The following PPME1 variants were observed in gnomAD, a reference collection of about 807,000 sequenced individuals.
PPME1 encodes the protein protein phosphatase methylesterase 1.
Under a neutral mutation model 56.9 loss-of-function variants are expected in PPME1, and 17 were observed. The observed-to-expected ratio is 0.30, with a 90% confidence interval of 0.20 to 0.45. The LOEUF is 0.45. PPME1 is among the 20% of genes least tolerant of loss of function. The pLI is 1.00. For synonymous variants in PPME1, 122 were observed against 156.2 expected, an observed-to-expected ratio of 0.78 and a Z score of 1.63; for missense variants, 357 against 483.2, an observed-to-expected ratio of 0.74 and a Z score of 2.45.
intron 8 of PPME1, among the ~76,000 whole-genome samples, chr11:74,236,699 C>T (rs558554074): frequency 6.6e-6 from 1 of 152,194 alleles, no homozygotes; most frequent in South Asian, 2.1e-4. Flanking sequence ...GGTTATTAAC[C>T]CATAACCATG....
intron 1 of PPME1, among the ~76,000 whole-genome samples, chr11:74,173,703 G>A (rs558637632): frequency 6.6e-6 from 1 of 152,008 alleles, no homozygotes; most frequent in African/African-American, 2.4e-5. Flanking sequence ...CACCACGCCC[G>A]GCTAATTTTT....
At chr11:74,241,966 C>T (rs1164913189) in intron 9 of PPME1, among the ~76,000 whole-genome samples, 5 of 152,134 alleles carry the variant, frequency 3.3e-5, no homozygotes, top group South Asian at 2.1e-4. Context: ...GAAGTATAGA[C>T]GTTTTTAATT....
intron 9 of PPME1, among the ~76,000 whole-genome samples, chr11:74,245,328 GT>G (rs1228177667): frequency 2.0e-5 from 3 of 151,844 alleles, no homozygotes; most frequent in Non-Finnish European, 4.4e-5. Context: ...ACTATCTCAT[GT>G]TCACTTTTAG....
chr11:74,254,175 G>A lies in PPME1; in HGVS notation c.*665G>A. ...CCACTGTCCCACTCCCACATGTCTG[G>A]GCACCTGCCCTGGGCTGAGGCCAGG... On this transcript the variant is annotated 3_prime_UTR_variant, in exon 14 of 14. Transcript: ENST00000328257. 1 of 153,192 alleles carries A rather than the reference G, an allele frequency of 6.5e-6. No individual in the cohort carries two copies. Among genetic ancestry groups the A allele is most frequent in the Admixed American group, 6.5e-5 (1 of 15,308 alleles). 9.5% of individuals were successfully genotyped at this position (153,192 alleles called of 1,614,324 possible). A position where few individuals can be genotyped will look rare whatever the true frequency, so the allele number is the denominator to read the frequency against.
Position 74,230,638 on chromosome 11 carries a change from T to C in PPME1, c.553+239T>C. 1 of 602,676 alleles carries C rather than the reference T, an allele frequency of 1.7e-6. No homozygotes were observed. Among genetic ancestry groups the C allele is most frequent in the Non-Finnish European group, 2.8e-6 (1 of 351,766 alleles). 37.3% of individuals were successfully genotyped at this position (602,676 alleles called of 1,614,324 possible). A position where few individuals can be genotyped will look rare whatever the true frequency, so the allele number is the denominator to read the frequency against. The stretch of plus-strand genomic sequence containing the variant: ...TCCTATGTATGTCCCATAATTGTAT[T>C]TAATCATATAAAAAGAAGCTGCCAT... On this transcript the variant is annotated intron_variant, in intron 6 of 13. Transcript: ENST00000328257. The surrounding 1 kb of genome is among the most constrained non-coding windows in gnomAD (Gnocchi z 4.9).
At chr11:74,200,269 A>G (rs1283393575) in intron 1 of PPME1, among the ~76,000 whole-genome samples, 1 of 152,228 alleles carries the variant, frequency 6.6e-6, no homozygotes, top group African/African-American at 2.4e-5. Context: ...TACAAAAATA[A>G]TGTAAGATTC....
At chr11:74,224,785 C>T (rs1246864229) in intron 4 of PPME1, among the ~76,000 whole-genome samples, 5 of 147,858 alleles carry the variant, frequency 3.4e-5, no homozygotes, top group Admixed American at 1.4e-4. Flanking sequence ...GATTTTTGTA[C>T]ATTGATTTTG....
Position 74,230,689 on chromosome 11 carries a change from TCA to T in PPME1, c.554-219_554-218del, listed in dbSNP as rs1240741991. ...GTCTTTTCTGACCCAGCTTCAGAAG[TCA>T]CACTGCTGCTTGTGAATACAAGTCA... On this transcript the variant is annotated intron_variant, in intron 6 of 13. Transcript: ENST00000328257. This position sits in a 1 kb window ranked among gnomAD's most constrained non-coding sequence, Gnocchi z 4.9. The T allele has an allele frequency of 8.4e-6, 5 of 598,012 alleles. No homozygotes were observed. The highest frequency in any genetic ancestry group is 1.4e-5 in the Non-Finnish European group (5 of 345,378). 37.0% of individuals were successfully genotyped at this position (598,012 alleles called of 1,614,324 possible). A position where few individuals can be genotyped will look rare whatever the true frequency, so the allele number is the denominator to read the frequency against.
At chr11:74,175,909 A>G (rs1857390581) in intron 1 of PPME1, among the ~76,000 whole-genome samples, 1 of 152,204 alleles carries the variant, frequency 6.6e-6, no homozygotes, top group Non-Finnish European at 1.5e-5. Flanking sequence ...TTTTTAGTCC[A>G]TTGTTCTTTC....
intron 10 of PPME1, 113 bp from the exon 11 acceptor site, chr11:74,246,966 G>T: frequency 1.1e-6 from 1 of 892,624 alleles, no homozygotes. Flanking sequence ...CTGGGAGTTA[G>T]GATTGGTATA....
chr11:74,229,025 T>TA (rs1859000424), intron 5 of PPME1, among the ~76,000 whole-genome samples: 1 of 152,222 alleles, frequency 6.6e-6, no homozygotes, highest in African/African-American at 2.4e-5. Context: ...TGTTTTCACT[T>TA]ACAAAGTTTG....
chr11:74,226,744 A>G lies in PPME1; in HGVS notation c.398+1488A>G, dbSNP rs536456098. 2.0e-5 allele frequency among the ~76,000 whole-genome samples: 3 copies of G among 152,326 alleles called. No individual in the cohort carries two copies. The East Asian group carries it at 5.8e-4, about 29-fold the overall frequency. ...AACATGGACTAAATAATAATGTTTCAGTCTGGGGCTCATCAGGAAAGAGAA... is the reference window on the plus strand; with the variant it reads ...AACATGGACTAAATAATAATGTTTCGGTCTGGGGCTCATCAGGAAAGAGAA... On this transcript the variant is annotated intron_variant, in intron 5 of 13. Transcript: ENST00000328257.
chr11:74,218,819 G>A (rs1467833373), intron 3 of PPME1, among the ~76,000 whole-genome samples: 2 of 151,964 alleles, frequency 1.3e-5, no homozygotes, highest in Admixed American at 1.3e-4. Flanking sequence ...CCAGGACATT[G>A]GACTGTGGAA....
intron 11 of PPME1, chr11:74,247,482 GGTTTTTTT>G (rs1859532823): frequency 7.7e-6 from 1 of 129,750 alleles, no homozygotes. Flanking sequence ...TTTGTTTGTG[GGTTTTTTT>G]TTTTTTTTTT....
chr11:74,228,604 T>C (rs975452598), intron 5 of PPME1, among the ~76,000 whole-genome samples: 4 of 152,196 alleles, frequency 2.6e-5, no homozygotes, highest in African/African-American at 9.7e-5. Context: ...ATTGAAAATA[T>C]GTTTCAGTGA....
chr11:74,203,856 C>T (rs940262297), intron 2 of PPME1, 35 bp downstream of exon 2: 1 of 1,441,892 alleles, frequency 6.9e-7, no homozygotes, highest in Non-Finnish European at 9.6e-7. Flanking sequence ...CTTTAGTGAG[C>T]TTATGATGTT....
intron 1 of PPME1, among the ~76,000 whole-genome samples, chr11:74,191,758 G>C (rs1218933111): frequency 6.6e-6 from 1 of 152,234 alleles, no homozygotes; most frequent in Non-Finnish European, 1.5e-5. Flanking sequence ...CCACTTCCAT[G>C]TGGTTGGTAA....
Position 74,189,290 on chromosome 11 carries a change from CTTAT to C in PPME1, c.102-14424_102-14421del, listed in dbSNP as rs1289149441. Among the ~76,000 whole-genome samples the C allele has an allele frequency of 9.9e-5, 15 of 152,014 alleles. No individual in the cohort carries two copies. In the East Asian group the frequency reaches 2.1e-3, roughly 22 times the overall value. On this transcript the variant is annotated intron_variant, in intron 1 of 13. Coordinates refer to ENST00000328257, the MANE Select transcript of PPME1 (RefSeq NM_016147.3). Reference sequence around the variant, plus strand: ...ACATATGGTTCTGCATATTGCTTTACTTATTTATTTATTTATTGAGACAAGGTCT... The same window carrying C: ...ACATATGGTTCTGCATATTGCTTTACTTATTTATTTATTGAGACAAGGTCT...
chr11:74,207,373 T>C (rs938216673), intron 3 of PPME1, among the ~76,000 whole-genome samples: 1 of 152,222 alleles, frequency 6.6e-6, no homozygotes, highest in African/African-American at 2.4e-5. Flanking sequence ...AGTTCTATTA[T>C]GTATGAAGAG....
Sources: allele counts gnomAD v4.1 joint callset (sites outside exome capture counted in the v4.1 genomes callset), GRCh38; gene constraint gnomAD v4.1.1; non-coding constraint Gnocchi (gnomAD v3.1); transcripts MANE v1.5; gene names NCBI Gene and HGNC (gene_info 2026-07-23, HGNC 2026-07-21).